Variants in BRINP3 observed in about 807,000 individuals in gnomAD.
BRINP3 encodes the protein BMP/retinoic acid-inducible neural-specific protein 3.
A neutral mutation model predicts 71.0 loss-of-function variants in BRINP3; 19 were observed. That is an observed-to-expected ratio of 0.27 (90% confidence interval 0.19 to 0.39). BRINP3 has a LOEUF of 0.39. BRINP3 is among the 10% of genes least tolerant of loss of function. The pLI is 1.00. For synonymous variants in BRINP3, 380 were observed against 337.7 expected (o/e 1.13, Z -1.37); for missense variants, 959 against 940.8 (o/e 1.02, Z -0.25).
intron 2 of BRINP3, among the ~76,000 whole-genome samples, chr1:190,435,902 C>T (rs892908621): frequency 6.6e-6 from 1 of 151,894 alleles, no homozygotes; most frequent in African/African-American, 2.4e-5. Context: ...CTTCCCATAG[C>T]CTTTGAGCTT....
chr1:190,339,927 T>G (rs1334426567), intron 2 of BRINP3, among the ~76,000 whole-genome samples: 1 of 151,938 alleles, frequency 6.6e-6, no homozygotes, highest in African/African-American at 2.4e-5. Flanking sequence ...AAGGCATATA[T>G]TTTCAACTAG....
intron 4 of BRINP3, among the ~76,000 whole-genome samples, chr1:190,253,714 C>G (rs1217257387): frequency 6.6e-6 from 1 of 152,118 alleles, no homozygotes; most frequent in African/African-American, 2.4e-5. Flanking sequence ...AATTTTCTCC[C>G]ATTCTGTAGG....
intron 2 of BRINP3, among the ~76,000 whole-genome samples, chr1:190,296,024 C>T (rs2102981336): frequency 1.4e-5 from 2 of 147,254 alleles, no homozygotes; most frequent in Admixed American, 6.9e-5. Flanking sequence ...TCTGGCTCCT[C>T]ATTTGTCTAT....
At chr1:190,467,104 G>A (rs1483671418) in intron 1 of BRINP3, among the ~76,000 whole-genome samples, 1 of 151,272 alleles carries the variant, frequency 6.6e-6, no homozygotes, top group Non-Finnish European at 1.5e-5. Flanking sequence ...ATTATTCATT[G>A]ACTTTTCTCT....
intron 2 of BRINP3, among the ~76,000 whole-genome samples, chr1:190,379,524 G>T (rs1437612080): frequency 1.3e-5 from 2 of 152,082 alleles, no homozygotes; most frequent in Non-Finnish European, 2.9e-5. Context: ...CTAAAAGGTG[G>T]GAATGAGACT....
intron 5 of BRINP3, among the ~76,000 whole-genome samples, chr1:190,229,645 A>AACACACACACAC (rs71794093): frequency 0.026 from 3,435 of 133,426 alleles, 73 homozygotes; most frequent in East Asian, 0.06. Context: ...AACAAAACAA[A>AACACACACACAC]ACACACACAC....
chr1:190,318,499 A>G (rs540659795), intron 2 of BRINP3, among the ~76,000 whole-genome samples: 7 of 152,206 alleles, frequency 4.6e-5, no homozygotes, highest in Non-Finnish European at 7.4e-5. Context: ...ATATAACTCA[A>G]TCTCCCAAAC....
At chr1:190,380,027 GAAAAA>G (rs66528376) in intron 2 of BRINP3, among the ~76,000 whole-genome samples, 1 of 139,532 alleles carries the variant, frequency 7.2e-6, no homozygotes, top group Non-Finnish European at 1.5e-5. Context: ...AAAGAAAAAA[GAAAAA>G]AAAAAAGAAT....
At chr1:190,253,550 T>C (rs1472370519) in intron 4 of BRINP3, among the ~76,000 whole-genome samples, 2 of 152,204 alleles carry the variant, frequency 1.3e-5, no homozygotes, top group Admixed American at 6.5e-5. Context: ...TTTTCATGTG[T>C]CTGTTGGCTG....
At position 190,329,755 on chromosome 1, in the gene BRINP3, C is replaced by T. The variant is rs550312434; in HGVS notation, c.237-48005G>A. On this transcript the variant is annotated intron_variant, in intron 2 of 7. Coordinates refer to ENST00000367462, the MANE Select transcript of BRINP3 (RefSeq NM_199051.3). Reference sequence around the variant, plus strand: ...CGTTGCCAAACTTAAAACTATACTACGAGGCCACAGTAACCAAAACAGCAT... The same window carrying T: ...CGTTGCCAAACTTAAAACTATACTATGAGGCCACAGTAACCAAAACAGCAT... Among the ~76,000 whole-genome samples the T allele has an allele frequency of 1.7e-4, 26 of 152,016 alleles. No homozygotes were observed. In the South Asian group the frequency reaches 5.0e-3, roughly 29 times the overall value.
At position 190,098,665 on chromosome 1, in the gene BRINP3, C is replaced by G. The variant is rs1332510588; in HGVS notation, c.1654G>C (p.Gly552Arg). Residue 552 changes from glycine to arginine, a missense_variant, in exon 8 of 8, where the codon GGT (glycine) becomes CGT (arginine). Gly to Arg is a moderately radical substitution (Grantham distance 125, BLOSUM62 -2). Coordinates refer to ENST00000367462, the MANE Select transcript of BRINP3 (RefSeq NM_199051.3). ...GTTAAGCAAATCTGTAAAGAGAGACCCAAAATCATATGGACCAGACTTGAC... is the reference window on the plus strand; with the variant it reads ...GTTAAGCAAATCTGTAAAGAGAGACGCAAAATCATATGGACCAGACTTGAC... ...YKSSLVHMIL[G>R]LSLQICLTKN... 1 of 1,614,086 alleles carries G rather than the reference C, an allele frequency of 6.2e-7. No homozygotes were observed. The highest frequency in any genetic ancestry group is 1.7e-5 in the Admixed American group (1 of 60,010).
At chr1:190,169,114 C>T (rs552392057) in intron 6 of BRINP3, among the ~76,000 whole-genome samples, 59 of 152,166 alleles carry the variant, frequency 3.9e-4, no homozygotes, top group Admixed American at 4.6e-4. Flanking sequence ...TAAAAAAACA[C>T]GACTAGCAGG....
intron 7 of BRINP3, among the ~76,000 whole-genome samples, chr1:190,142,581 T>A (rs1385746802): frequency 6.6e-6 from 1 of 152,144 alleles, no homozygotes; most frequent in Non-Finnish European, 1.5e-5. Context: ...GGATACTAAT[T>A]TGAGTGGGGT....
intron 1 of BRINP3, among the ~76,000 whole-genome samples, chr1:190,467,095 T>G (rs895592517): frequency 6.6e-6 from 1 of 151,544 alleles, no homozygotes; most frequent in Non-Finnish European, 1.5e-5. Flanking sequence ...AGAAAATGCA[T>G]TATTCATTGA....
At chr1:190,277,951 A>G (rs1662731286) in intron 3 of BRINP3, among the ~76,000 whole-genome samples, 1 of 151,706 alleles carries the variant, frequency 6.6e-6, no homozygotes, top group Non-Finnish European at 1.5e-5. Context: ...AATAATATAT[A>G]TTGAAGAATG....
chr1:190,348,557 G>T (rs959566712), intron 2 of BRINP3, among the ~76,000 whole-genome samples: 1 of 152,080 alleles, frequency 6.6e-6, no homozygotes, highest in Admixed American at 6.6e-5. Flanking sequence ...GTTGTATAAA[G>T]AATTCTAATT....
intron 2 of BRINP3, among the ~76,000 whole-genome samples, chr1:190,449,956 A>G (rs936085383): frequency 1.3e-5 from 2 of 152,234 alleles, no homozygotes; most frequent in Non-Finnish European, 2.9e-5. Flanking sequence ...CAAATGTAGC[A>G]AATAAAAATA....
At chr1:190,476,923 T>C (rs1677539262) in intron 1 of BRINP3, among the ~76,000 whole-genome samples, 1 of 152,236 alleles carries the variant, frequency 6.6e-6, no homozygotes, top group South Asian at 2.1e-4. Flanking sequence ...ATTTTAGTGC[T>C]TAAGGTCTTG....
At chr1:190,119,627 A>G (rs1653463353) in intron 7 of BRINP3, among the ~76,000 whole-genome samples, 1 of 152,108 alleles carries the variant, frequency 6.6e-6, no homozygotes, top group Non-Finnish European at 1.5e-5. Context: ...AATAAGTTTC[A>G]CTTATACTGA....
Sources: gnomAD v4.1 joint callset for allele counts (sites outside exome capture counted in the v4.1 genomes callset) on GRCh38, gnomAD v4.1.1 for gene constraint, MANE v1.5 for transcripts, NCBI Gene and HGNC (gene_info 2026-07-23, HGNC 2026-07-21) for gene names.